MAMDC2: variants seen among roughly 807,000 people sequenced by gnomAD.
MAMDC2 encodes MAM domain-containing protein 2.
In MAMDC2, 57 loss-of-function variants were observed where a neutral mutation model predicts 89.8. The ratio of observed to expected loss-of-function variants is 0.63; its 90% CI spans 0.51 to 0.79. The LOEUF (loss-of-function observed/expected upper bound fraction) is 0.79, where lower values mean the gene tolerates loss of function less well. Among genes scored for constraint, MAMDC2 ranks in the 30% least tolerant of loss-of-function variants. The pLI, the probability that MAMDC2 is intolerant of heterozygous loss-of-function variation, is 0.00. For synonymous variants in MAMDC2, 313 were observed against 293.4 expected, an observed-to-expected ratio of 1.07 and a Z score of -0.68; for missense variants, 800 against 820.6, an observed-to-expected ratio of 0.97 and a Z score of 0.31.
intron 2 of MAMDC2, among the ~76,000 whole-genome samples, chr9:70,066,501 T>C (rs1487135870): frequency 1.3e-5 from 2 of 151,994 alleles, no homozygotes; most frequent in Non-Finnish European, 2.9e-5. Context: ...TAGTATACTG[T>C]GCAAGGGCGA....
At chr9:70,051,812 G>C (rs1826903344) in intron 2 of MAMDC2, among the ~76,000 whole-genome samples, 1 of 151,998 alleles carries the variant, frequency 6.6e-6, no homozygotes. Context: ...ATGTAGTTAT[G>C]CATTCAGGTC....
At position 70,108,120 on chromosome 9, in the gene MAMDC2, T is replaced by C. The variant is rs867743323; in HGVS notation, c.149-91T>C. 7.8e-6 allele frequency: 10 copies of C among 1,287,320 alleles called. No individual in the cohort carries two copies. The African/African-American group carries it at 1.2e-4, about 16-fold the overall frequency. 79.7% of individuals were successfully genotyped at this position (1,287,320 alleles called of 1,614,324 possible). A position where few individuals can be genotyped will look rare whatever the true frequency, so the allele number is the denominator to read the frequency against. On this transcript the variant is annotated intron_variant, in intron 2 of 13. Transcript: ENST00000377182. ...TTGACAAAATATATCTGCAGGTTTATCTGCCCAGAGATTTACTTAACTGCA... is the reference window on the plus strand; with the variant it reads ...TTGACAAAATATATCTGCAGGTTTACCTGCCCAGAGATTTACTTAACTGCA...
At chr9:70,109,585 T>C (rs1212486015) in intron 3 of MAMDC2, 135 bp from the exon 4 acceptor site, 2 of 683,376 alleles carry the variant, frequency 2.9e-6, no homozygotes, top group Non-Finnish European at 2.6e-6. Flanking sequence ...TGGTATCCAA[T>C]AGCAATTAGC....
intron 11 of MAMDC2, among the ~76,000 whole-genome samples, chr9:70,196,503 C>T (rs2032977447): frequency 6.6e-6 from 1 of 152,018 alleles, no homozygotes. Flanking sequence ...AAGGGATCCC[C>T]TGAAACAAGT....
intron 2 of MAMDC2, chr9:70,082,094 A>C (rs1827665642): frequency 6.6e-6 from 1 of 152,228 alleles, no homozygotes; most frequent in African/African-American, 2.4e-5. Flanking sequence ...AGGGAAAATA[A>C]AAGAGAAGAA....
chr9:70,048,324 G>C (rs1587422510), intron 2 of MAMDC2, among the ~76,000 whole-genome samples: 1 of 152,134 alleles, frequency 6.6e-6, no homozygotes, highest in Admixed American at 6.5e-5. Context: ...GCCCAGGCTG[G>C]AGTCCAATGG....
intron 11 of MAMDC2, among the ~76,000 whole-genome samples, chr9:70,179,193 CT>C (rs1213491776): frequency 6.6e-6 from 1 of 152,114 alleles, no homozygotes; most frequent in Non-Finnish European, 1.5e-5. Flanking sequence ...CATTGGAGAT[CT>C]ATCTCTAGCT....
chr9:70,203,334 T>C (rs1182341809), intron 11 of MAMDC2, among the ~76,000 whole-genome samples: 1 of 147,570 alleles, frequency 6.8e-6, no homozygotes, highest in Non-Finnish European at 1.5e-5. Context: ...TGGCTGGATA[T>C]GAAATTCTGG....
Position 70,218,564 on chromosome 9 carries a change from C to T in MAMDC2, c.1879C>T (p.Leu627=). The change falls in exon 12 of 14, where the codon CTG becomes TTG. Residue 627 remains leucine (L), a synonymous_variant. Coordinates refer to ENST00000377182, the MANE Select transcript of MAMDC2 (RefSeq NM_153267.5). ...ACAGAGCATTTCCTGGCTACGAGCA[C>T]TGATTGAATACAGCTGTGAGAGGCA... is the stretch of plus-strand genomic sequence containing the variant. The part of the protein sequence containing the change: ...GEQSISWLRA[L]IEYSCERQHQ... The T allele has an allele frequency of 6.2e-7, 1 of 1,613,638 alleles. No homozygotes were observed. Among genetic ancestry groups the T allele is most frequent in the Non-Finnish European group, 8.5e-7 (1 of 1,179,740 alleles).
At chr9:70,179,017 C>T (rs923944208) in intron 11 of MAMDC2, among the ~76,000 whole-genome samples, 1 of 152,052 alleles carries the variant, frequency 6.6e-6, no homozygotes, top group Non-Finnish European at 1.5e-5. Context: ...CTTTTTTGTG[C>T]AATATTGGCA....
chr9:70,151,599 C>G lies in MAMDC2; in HGVS notation c.1404+7780C>G, dbSNP rs1375441862. Among the ~76,000 whole-genome samples, 5 of 152,144 alleles carry G rather than the reference C, an allele frequency of 3.3e-5. No individual in the cohort carries two copies. In the South Asian group the frequency reaches 6.2e-4, roughly 19 times the overall value. On this transcript the variant is annotated intron_variant, in intron 9 of 13. Coordinates refer to ENST00000377182, the MANE Select transcript of MAMDC2 (RefSeq NM_153267.5). ...AATCATGGTCTAGTCAACTTTGAAG[C>G]CTGCCTTTTAGTGCAGGGTATCTTT...
intron 9 of MAMDC2, among the ~76,000 whole-genome samples, chr9:70,155,456 C>T (rs1001772432): frequency 2.6e-5 from 4 of 152,184 alleles, no homozygotes; most frequent in Non-Finnish European, 5.9e-5. Context: ...CCAACCTGCC[C>T]ATCTAGGCAT....
intron 9 of MAMDC2, among the ~76,000 whole-genome samples, chr9:70,161,241 A>C (rs956086358): frequency 6.6e-6 from 1 of 152,172 alleles, no homozygotes; most frequent in Non-Finnish European, 1.5e-5. Flanking sequence ...AGCAATGAAA[A>C]AGTTCAGCTA....
At chr9:70,181,512 G>T (rs557032058) in intron 11 of MAMDC2, among the ~76,000 whole-genome samples, 4 of 151,956 alleles carry the variant, frequency 2.6e-5, no homozygotes, top group Non-Finnish European at 4.4e-5. Flanking sequence ...ATTTGTTTGT[G>T]TCCTCTCTTA....
intron 10 of MAMDC2, 47 bp downstream of exon 10, chr9:70,168,842 A>G (rs2032247007): frequency 2.1e-6 from 3 of 1,431,056 alleles, no homozygotes; most frequent in Non-Finnish European, 3.0e-6. Flanking sequence ...ACCTATACAT[A>G]CATTTCCTGT....
At chr9:70,213,824 A>G (rs1293878826) in intron 11 of MAMDC2, among the ~76,000 whole-genome samples, 1 of 152,200 alleles carries the variant, frequency 6.6e-6, no homozygotes, top group Non-Finnish European at 1.5e-5. Context: ...ATTTGCTTTG[A>G]TAAGACTTTA....
At chr9:70,094,273 A>G (rs1327016901) in intron 2 of MAMDC2, among the ~76,000 whole-genome samples, 1 of 152,230 alleles carries the variant, frequency 6.6e-6, no homozygotes, top group East Asian at 1.9e-4. Flanking sequence ...CCATTTCTCC[A>G]TGTATTGCTG....
chr9:70,218,553 G>A lies in MAMDC2; in HGVS notation c.1868G>A (p.Trp623Ter). The A allele has an allele frequency of 2.5e-6, 4 of 1,614,078 alleles. No individual in the cohort carries two copies. The highest frequency in any genetic ancestry group is 3.4e-6 in the Non-Finnish European group (4 of 1,179,974). The change falls in exon 12 of 14, where the codon TGG (tryptophan) becomes TAG (stop). Residue 623 changes from tryptophan (W) to a stop codon, truncating the protein, a stop_gained. Transcript: ENST00000377182. LOFTEE classifies it high-confidence loss of function. ...WRRRGEQSIS[W>*]LRALIEYSCE... Reference sequence around the variant, plus strand: ...AGAAGAGGTGAACAGAGCATTTCCTGGCTACGAGCACTGATTGAATACAGC... The same window carrying A: ...AGAAGAGGTGAACAGAGCATTTCCTAGCTACGAGCACTGATTGAATACAGC...
Position 70,122,758 on chromosome 9 carries a change from T to C in MAMDC2, c.644-3401T>C, listed in dbSNP as rs897966769. ...AATAAACTAAAATGTTAAGATTATT[T>C]TATTTATTTTTATTTTTTTTATGGA... On this transcript the variant is annotated intron_variant, in intron 5 of 13. Coordinates refer to ENST00000377182, the MANE Select transcript of MAMDC2 (RefSeq NM_153267.5). 1.1e-4 allele frequency among the ~76,000 whole-genome samples: 17 copies of C among 152,334 alleles called. No individual in the cohort carries two copies. The South Asian group carries it at 2.1e-3, about 19-fold the overall frequency.
Sources: gnomAD v4.1 joint callset for allele counts (sites outside exome capture counted in the v4.1 genomes callset) on GRCh38, gnomAD v4.1.1 for gene constraint, MANE v1.5 for transcripts, NCBI Gene and HGNC (gene_info 2026-07-23, HGNC 2026-07-21) for gene names.